CEACAM5: variants seen among roughly 807,000 people sequenced by gnomAD.
CEACAM5 encodes the protein CEA cell adhesion molecule 5.
In CEACAM5, 52 loss-of-function variants were observed where a neutral mutation model predicts 63.0. That is an observed-to-expected ratio of 0.83 (90% confidence interval 0.66 to 1.04). The LOEUF is 1.04. Among genes scored for constraint, CEACAM5 ranks in the 50% least tolerant of loss-of-function variants. CEACAM5 has a pLI of 0.00. For synonymous variants in CEACAM5, 357 were observed against 351.3 expected (o/e 1.02, Z -0.18); for missense variants, 790 against 864.8 (o/e 0.91, Z 1.08).
At chr19:41,712,545 T>C (rs2072452713) in intron 2 of CEACAM5, among the ~76,000 whole-genome samples, 1 of 152,160 alleles carries the variant, frequency 6.6e-6, no homozygotes, top group African/African-American at 2.4e-5. Flanking sequence ...ACACATTGCT[T>C]CTCCTAACTT....
intron 4 of CEACAM5, among the ~76,000 whole-genome samples, chr19:41,716,439 T>C (rs2072528030): frequency 6.6e-6 from 1 of 152,158 alleles, no homozygotes; most frequent in African/African-American, 2.4e-5. Context: ...GAACGAGGTG[T>C]GTGGAGAAGG....
rs149600871 is a variant in CEACAM5, at chr19:41,725,861, T to C, written c.2027-1373T>C. Among the ~76,000 whole-genome samples, 720 of 152,304 alleles carry C rather than the reference T, an allele frequency of 4.7e-3. 6 individuals carry two copies. Among genetic ancestry groups the C allele is most frequent in the African/African-American group, 0.017 (686 of 41,548 alleles). ...CTTATTATTTCCTTCATGTACTATC[T>C]GTGGTTTGAGGTGGTTCTTTTTCTG... On this transcript the variant is annotated intron_variant, in intron 8 of 9. Coordinates refer to ENST00000221992, the MANE Select transcript of CEACAM5 (RefSeq NM_004363.6).
At position 41,715,728 on chromosome 19, in the gene CEACAM5, C is replaced by T; in HGVS notation, c.782C>T (p.Ala261Val). The T allele has an allele frequency of 6.2e-7, 1 of 1,614,212 alleles. No homozygotes were observed. Among genetic ancestry groups the T allele is most frequent in the Non-Finnish European group, 8.5e-7 (1 of 1,180,030 alleles). The stretch of plus-strand genomic sequence containing the variant: ...GAAAATCTGAACCTCTCCTGCCACG[C>T]AGCCTCTAACCCACCTGCACAGTAC... ...SGENLNLSCHAASNPPAQYSW... is the reference protein window; with the variant it reads ...SGENLNLSCHVASNPPAQYSW... The change falls in exon 4 of 10, where the codon GCA becomes GTA. Residue 261 changes from alanine to valine, a missense_variant. Ala to Val is a moderately conservative substitution (Grantham distance 64). Transcript: ENST00000221992.
At chr19:41,728,803 A>G (rs868955800) in intron 9 of CEACAM5, among the ~76,000 whole-genome samples, 16 of 151,392 alleles carry the variant, frequency 1.1e-4, no homozygotes, top group African/African-American at 3.9e-4. Context: ...AAAAAAAAAA[A>G]AAGAATTGCC....
intron 8 of CEACAM5, among the ~76,000 whole-genome samples, chr19:41,725,828 C>A (rs1198214994): frequency 4.6e-5 from 7 of 152,098 alleles, no homozygotes; most frequent in African/African-American, 1.7e-4. Context: ...TTTATTTAAA[C>A]TCTAATCCTT....
intron 2 of CEACAM5, among the ~76,000 whole-genome samples, chr19:41,711,890 T>C (rs1184084644): frequency 6.6e-6 from 1 of 151,426 alleles, no homozygotes; most frequent in Non-Finnish European, 1.5e-5. Flanking sequence ...TCCCAGGCAA[T>C]AGGGAAGGCA....
At chr19:41,710,314 G>T (rs1555813863) in intron 2 of CEACAM5, among the ~76,000 whole-genome samples, 1 of 152,126 alleles carries the variant, frequency 6.6e-6, no homozygotes, top group East Asian at 1.9e-4. Context: ...AGCACCCCGT[G>T]CCCTCCCCGT....
In CEACAM5 at chr19:41,708,772, C is replaced by T; in HGVS notation, c.41C>T (p.Pro14Leu). 6.2e-7 allele frequency: 1 copy of T among 1,612,062 alleles called. No individual in the cohort carries two copies. Among genetic ancestry groups the T allele is most frequent in the Non-Finnish European group, 8.5e-7 (1 of 1,178,970 alleles). Residue 14 changes from proline to leucine, a missense_variant, in exon 1 of 10, where the codon CCC becomes CTC. Transcript: ENST00000221992. ...PSAPPHRWCI[P>L]WQRLLLTASL... The stretch of plus-strand genomic sequence containing the variant: ...GCCCCTCCCCACAGATGGTGCATCC[C>T]CTGGCAGAGGCTCCTGCTCACAGGT...
At position 41,721,168 on chromosome 19, in the gene CEACAM5, C is replaced by T; in HGVS notation, c.2018C>T (p.Thr673Ile). 6.2e-7 allele frequency: 1 copy of T among 1,614,200 alleles called. No individual in the cohort carries two copies. Among genetic ancestry groups the T allele is most frequent in the Non-Finnish European group, 8.5e-7 (1 of 1,180,020 alleles). ...GRNNSIVKSITVSASGTSPGL... is the reference protein window; with the variant it reads ...GRNNSIVKSIIVSASGTSPGL... The stretch of plus-strand genomic sequence containing the variant: ...AATAATTCCATAGTCAAGAGCATCA[C>T]AGTCTCTGGTAAGTGGCTCCCTGGA... The change falls in exon 8 of 10, where the codon ACA (threonine) becomes ATA (isoleucine). Residue 673 changes from threonine (T) to isoleucine (I), a missense_variant. By Grantham distance (89) the Thr-to-Ile change is moderately conservative. Transcript: ENST00000221992.
rs1555817251 is a variant in CEACAM5, at chr19:41,727,324, G to A, written c.*8G>A. ...GGGGTTGCTCTGATATAGCAGCCCT[G>A]GTGTAGTTTCTTCATTTCAGGAAGA... is the stretch of plus-strand genomic sequence containing the variant. On this transcript the variant is annotated 3_prime_UTR_variant, in exon 9 of 10. Transcript: ENST00000221992. 6.2e-7 allele frequency: 1 copy of A among 1,603,368 alleles called. No individual in the cohort carries two copies. Among genetic ancestry groups the A allele is most frequent in the Non-Finnish European group, 8.5e-7 (1 of 1,170,832 alleles).
chr19:41,711,687 C>T (rs979371542), intron 2 of CEACAM5, among the ~76,000 whole-genome samples: 1 of 152,144 alleles, frequency 6.6e-6, no homozygotes, highest in Non-Finnish European at 1.5e-5. Context: ...CACTATACCC[C>T]GCATGGCTCA....
At chr19:41,723,771 C>A (rs964394395) in intron 8 of CEACAM5, among the ~76,000 whole-genome samples, 16 of 151,922 alleles carry the variant, frequency 1.1e-4, no homozygotes, top group African/African-American at 3.4e-4. Flanking sequence ...CACAGTGAAA[C>A]CCCGTCTCTA....
intron 2 of CEACAM5, among the ~76,000 whole-genome samples, chr19:41,711,913 G>A (rs1217180613): frequency 2.0e-5 from 3 of 152,054 alleles, no homozygotes; most frequent in East Asian, 1.9e-4. Context: ...GAAATCACAG[G>A]CAATAGGGAA....
At chr19:41,723,001 G>A (rs1234210936) in intron 8 of CEACAM5, among the ~76,000 whole-genome samples, 2 of 152,026 alleles carry the variant, frequency 1.3e-5, no homozygotes, top group African/African-American at 2.4e-5. Context: ...TCCGCCTCCC[G>A]TGTTCACGCC....
At chr19:41,713,720 G>A (rs1466911749) in intron 2 of CEACAM5, among the ~76,000 whole-genome samples, 1 of 152,168 alleles carries the variant, frequency 6.6e-6, no homozygotes, top group East Asian at 1.9e-4. Context: ...ATGTCCAATG[G>A]GAGAAAATAA....
intron 2 of CEACAM5, among the ~76,000 whole-genome samples, chr19:41,714,738 T>A (rs939764033): frequency 2.0e-5 from 3 of 152,202 alleles, no homozygotes; most frequent in African/African-American, 7.2e-5. Flanking sequence ...AGCCCAATGC[T>A]GCTGCTTAAT....
intron 8 of CEACAM5, among the ~76,000 whole-genome samples, chr19:41,722,694 C>T (rs2072641594): frequency 6.6e-6 from 1 of 152,214 alleles, no homozygotes; most frequent in Non-Finnish European, 1.5e-5. Flanking sequence ...GGTTGAAGAA[C>T]ATTCCATTGT....
chr19:41,722,978 G>A (rs1209320944), intron 8 of CEACAM5, among the ~76,000 whole-genome samples: 1 of 152,142 alleles, frequency 6.6e-6, no homozygotes, highest in African/African-American at 2.4e-5. Flanking sequence ...CGCGATCTCG[G>A]CTCACTGCAA....
chr19:41,722,489 A>T (rs1346314237), intron 8 of CEACAM5, among the ~76,000 whole-genome samples: 3 of 152,182 alleles, frequency 2.0e-5, no homozygotes, highest in Non-Finnish European at 4.4e-5. Flanking sequence ...CCCAATAAAC[A>T]GTAACTCCTT....
Sources: allele counts gnomAD v4.1 joint callset (sites outside exome capture counted in the v4.1 genomes callset), GRCh38; gene constraint gnomAD v4.1.1; transcripts MANE v1.5; gene names NCBI Gene and HGNC (gene_info 2026-07-23, HGNC 2026-07-21).